The following AUTS2 variants were observed in gnomAD, a reference collection of about 807,000 sequenced individuals.
AUTS2 encodes autism susceptibility gene 2 protein.
Under a neutral mutation model 112.4 loss-of-function variants are expected in AUTS2, and 17 were observed. The observed-to-expected ratio is 0.15, with a 90% CI of 0.10 to 0.23. The LOEUF (loss-of-function observed/expected upper bound fraction) is 0.23, where lower values mean the gene tolerates loss of function less well. Among genes scored for constraint, AUTS2 ranks in the 10% least tolerant of loss-of-function variants. The pLI is 1.00. For synonymous variants in AUTS2, 751 were observed against 702.7 expected (o/e 1.07, Z -1.09); for missense variants, 1,510 against 1,701.6 (o/e 0.89, Z 1.98).
At chr7:70,124,588 G>A (rs1037179997) in intron 3 of AUTS2, among the ~76,000 whole-genome samples, 1 of 151,234 alleles carries the variant, frequency 6.6e-6, no homozygotes, top group Non-Finnish European at 1.5e-5. Flanking sequence ...TTCTGAGATG[G>A]TGTCTCGCTC....
At chr7:70,403,010 G>T (rs1794389845) in intron 4 of AUTS2, among the ~76,000 whole-genome samples, 1 of 152,178 alleles carries the variant, frequency 6.6e-6, no homozygotes, top group Non-Finnish European at 1.5e-5. Flanking sequence ...GAGCTTAGGT[G>T]CAGTTGAAAT....
intron 5 of AUTS2, among the ~76,000 whole-genome samples, chr7:70,483,541 G>A (rs892681269): frequency 2.6e-5 from 4 of 152,190 alleles, no homozygotes; most frequent in East Asian, 3.8e-4. Flanking sequence ...TGAGCAACCC[G>A]TGTGCTTAGC....
intron 2 of AUTS2, among the ~76,000 whole-genome samples, chr7:70,062,340 C>T (rs1034870346): frequency 1.3e-5 from 2 of 151,780 alleles, no homozygotes; most frequent in South Asian, 2.1e-4. Flanking sequence ...TGATGAAACC[C>T]TGTCTCTACT....
intron 13 of AUTS2, 99 bp from the exon 14 acceptor site, chr7:70,777,004 A>G: frequency 2.6e-6 from 3 of 1,148,810 alleles, no homozygotes; most frequent in Non-Finnish European, 2.6e-6. Context: ...TCACGAAAAA[A>G]GCCTCTGCAG....
At chr7:69,619,789 C>T (rs912980861) in intron 1 of AUTS2, among the ~76,000 whole-genome samples, 1 of 152,134 alleles carries the variant, frequency 6.6e-6, no homozygotes, top group Middle Eastern at 3.2e-3. Context: ...AGCTTCTGCC[C>T]TCAAGGAATG....
At chr7:70,586,540 T>C (rs1802698102) in intron 5 of AUTS2, among the ~76,000 whole-genome samples, 1 of 152,166 alleles carries the variant, frequency 6.6e-6, no homozygotes, top group African/African-American at 2.4e-5. Flanking sequence ...CAGGAAATGA[T>C]GCGATTGGGA....
intron 5 of AUTS2, among the ~76,000 whole-genome samples, chr7:70,471,365 G>A (rs922139992): frequency 6.6e-6 from 1 of 152,040 alleles, no homozygotes; most frequent in African/African-American, 2.4e-5. Context: ...AATATGGCTC[G>A]AATCAAATTA....
chr7:70,054,098 T>A (rs1294201612), intron 2 of AUTS2, among the ~76,000 whole-genome samples: 1 of 152,180 alleles, frequency 6.6e-6, no homozygotes, highest in Non-Finnish European at 1.5e-5. Flanking sequence ...TTCAATTCGG[T>A]AGCTACTAGC....
intron 4 of AUTS2, among the ~76,000 whole-genome samples, chr7:70,176,859 T>TAA (rs1157638788): frequency 6.6e-6 from 1 of 152,186 alleles, no homozygotes; most frequent in Non-Finnish European, 1.5e-5. Context: ...ATAACGGAAT[T>TAA]TGGACTGCTT....
intron 4 of AUTS2, among the ~76,000 whole-genome samples, chr7:70,387,170 A>G (rs1057303405): frequency 2.6e-5 from 4 of 152,108 alleles, no homozygotes; most frequent in Non-Finnish European, 4.4e-5. Flanking sequence ...TTTTGAAAGC[A>G]CAGTTTGCTC....
intron 5 of AUTS2, among the ~76,000 whole-genome samples, chr7:70,696,700 G>A (rs1809129646): frequency 6.7e-6 from 1 of 150,190 alleles, no homozygotes; most frequent in Non-Finnish European, 1.5e-5. Context: ...CACACACTAA[G>A]TGCAAATAAA....
intron 5 of AUTS2, among the ~76,000 whole-genome samples, chr7:70,658,217 G>T (rs1333029223): frequency 6.6e-6 from 1 of 152,206 alleles, no homozygotes; most frequent in African/African-American, 2.4e-5. Flanking sequence ...TAGACAGTGT[G>T]TACTGGCCAG....
chr7:69,906,024 AT>A (rs1305726544), intron 2 of AUTS2, among the ~76,000 whole-genome samples: 7 of 152,172 alleles, frequency 4.6e-5, no homozygotes, highest in African/African-American at 1.7e-4. Context: ...AATCCCATAT[AT>A]TGATAGAGGA....
intron 1 of AUTS2, among the ~76,000 whole-genome samples, chr7:69,826,399 AATCCCTTC>A (rs2129526959): frequency 1.3e-5 from 2 of 152,294 alleles, no homozygotes; most frequent in African/African-American, 4.8e-5. Flanking sequence ...TTTGACTGTA[AATCCCTTC>A]AGTACACTGA....
chr7:69,860,374 G>T (rs946357470), intron 1 of AUTS2, among the ~76,000 whole-genome samples: 1 of 152,032 alleles, frequency 6.6e-6, no homozygotes, highest in African/African-American at 2.4e-5. Context: ...TTTTTAGAGA[G>T]GTATAATTAA....
At chr7:69,882,982 A>G (rs1038096339) in intron 1 of AUTS2, among the ~76,000 whole-genome samples, 1 of 152,220 alleles carries the variant, frequency 6.6e-6, no homozygotes. Context: ...TGCCTGTACC[A>G]GGAAGTATCC....
At chr7:70,652,645 G>C (rs1384251837) in intron 5 of AUTS2, among the ~76,000 whole-genome samples, 1 of 152,180 alleles carries the variant, frequency 6.6e-6, no homozygotes, top group African/African-American at 2.4e-5. Flanking sequence ...AGCTACTCGA[G>C]AGGCTGAGGC....
intron 1 of AUTS2, among the ~76,000 whole-genome samples, chr7:69,711,304 A>G (rs991580119): frequency 4.6e-5 from 7 of 152,190 alleles, no homozygotes; most frequent in African/African-American, 7.2e-5. Context: ...AGGGCTTCAT[A>G]GGATGTTAAA....
At chr7:70,023,097 A>G (rs1800346931) in intron 2 of AUTS2, among the ~76,000 whole-genome samples, 1 of 152,138 alleles carries the variant, frequency 6.6e-6, no homozygotes, top group Non-Finnish European at 1.5e-5. Context: ...TTTCTGCCTC[A>G]GCCTCCCAAA....
Sources: allele counts gnomAD v4.1 joint callset (sites outside exome capture counted in the v4.1 genomes callset), GRCh38; gene constraint gnomAD v4.1.1; transcripts MANE v1.5; gene names NCBI Gene and HGNC (gene_info 2026-07-23, HGNC 2026-07-21).